The following PCDHGB2 variants were observed in gnomAD, a reference collection of about 807,000 sequenced individuals.
The protein encoded by PCDHGB2 is protocadherin gamma subfamily B, 2, also known as protocadherin gamma-B2.
PCDHGB2 carries 55 observed loss-of-function variants against 59.3 expected under a neutral mutation model. The ratio of observed to expected loss-of-function variants is 0.93; its 90% CI spans 0.75 to 1.16. The LOEUF is 1.16. Ranked by LOEUF, PCDHGB2 falls within the 50% of genes most tolerant of loss-of-function variation. The pLI is 0.00. For missense variants in PCDHGB2, 1,228 were observed against 1,198.5 expected (o/e 1.02, Z -0.36); for synonymous variants, 516 against 512.0 (o/e 1.01, Z -0.11).
At chr5:141,438,960 C>A (rs1398478011) in intron 1 of PCDHGB2, among the ~76,000 whole-genome samples, 1 of 151,940 alleles carries the variant, frequency 6.6e-6, no homozygotes, top group Non-Finnish European at 1.5e-5. Flanking sequence ...GCCACCGCAC[C>A]CTGCCAACTG....
chr5:141,510,621 A>G (rs1317150967), intron 3 of PCDHGB2, among the ~76,000 whole-genome samples: 1 of 152,176 alleles, frequency 6.6e-6, no homozygotes, highest in Non-Finnish European at 1.5e-5. Flanking sequence ...CACTAAAACC[A>G]GAAGAGGTGG....
intron 1 of PCDHGB2, among the ~76,000 whole-genome samples, chr5:141,471,014 G>A (rs2099246573): frequency 6.7e-6 from 1 of 148,628 alleles, no homozygotes; most frequent in Non-Finnish European, 1.5e-5. Context: ...ACTGTGCCTG[G>A]TCAATCATTT....
At chr5:141,442,205 A>G (rs2098308049) in intron 1 of PCDHGB2, 1 of 153,214 alleles carries the variant, frequency 6.5e-6, no homozygotes, top group Admixed American at 6.5e-5. Context: ...ATATCTGGTG[A>G]TTGCCTTAGC....
At chr5:141,410,535 A>T (rs2095405545) in intron 1 of PCDHGB2, 9 of 1,613,752 alleles carry the variant, frequency 5.6e-6, no homozygotes, top group Non-Finnish European at 7.6e-6. Context: ...TCCAATGAAG[A>T]CATGGTTTGC....
chr5:141,370,656 G>C, intron 1 of PCDHGB2: 1 of 1,613,852 alleles, frequency 6.2e-7, no homozygotes, highest in South Asian at 1.1e-5. Flanking sequence ...ACTTGTGAGC[G>C]ACCGTATAGA....
Position 141,485,200 on chromosome 5 carries a change from A to C in PCDHGB2, c.2422-9607A>C. 1 of 1,614,116 alleles carries C rather than the reference A, an allele frequency of 6.2e-7. No homozygotes were observed. The highest frequency in any genetic ancestry group is 2.2e-5 in the East Asian group (1 of 44,872). ...TGCTCCGCAAGGTGAGAAGCTGGAC[A>C]GAAATCTGGCGGTGGGCTACCCTTT... On this transcript the variant is annotated intron_variant, in intron 1 of 3. Coordinates refer to ENST00000522605, the MANE Select transcript of PCDHGB2 (RefSeq NM_018923.3). This position sits in a 1 kb window ranked among gnomAD's most constrained non-coding sequence, Gnocchi z 5.7.
rs551129846 is a variant in PCDHGB2, at chr5:141,432,711, A to T, written c.2422-62096A>T. 5 of 1,613,944 alleles carry T rather than the reference A, an allele frequency of 3.1e-6. No individual in the cohort carries two copies. The Admixed American group carries it at 8.3e-5, about 27-fold the overall frequency. ...GTAGTGGCCGTCCAGGACCACGGCCAGCCCCCTCTCTCCGCCACTGTCACG... is the reference window on the plus strand; with the variant it reads ...GTAGTGGCCGTCCAGGACCACGGCCTGCCCCCTCTCTCCGCCACTGTCACG... On this transcript the variant is annotated intron_variant, in intron 1 of 3. Transcript: ENST00000522605. This position sits in a 1 kb window ranked among gnomAD's most constrained non-coding sequence, Gnocchi z 6.0.
chr5:141,486,278 G>A lies in PCDHGB2; in HGVS notation c.2422-8529G>A. The A allele has an allele frequency of 1.2e-6, 2 of 1,614,088 alleles. No individual in the cohort carries two copies. Among genetic ancestry groups the A allele is most frequent in the South Asian group, 2.2e-5 (2 of 91,068 alleles). On this transcript the variant is annotated intron_variant, in intron 1 of 3. Transcript: ENST00000522605. This position sits in a 1 kb window ranked among gnomAD's most constrained non-coding sequence, Gnocchi z 5.0. The stretch of plus-strand genomic sequence containing the variant: ...CGAGAGTGCAGAACCTGGCACTGTG[G>A]TGGCACTTATCAGTGTGCAGGATCC...
chr5:141,463,764 G>A (rs2099069094), intron 1 of PCDHGB2, among the ~76,000 whole-genome samples: 1 of 151,916 alleles, frequency 6.6e-6, no homozygotes. Flanking sequence ...TTCTCTTATG[G>A]GTTAGAATCC....
Position 141,431,605 on chromosome 5 carries a change from G to A in PCDHGB2, c.2422-63202G>A. ...ATGCGGAAGTGAGGTATTCCTTCCGGTATGTGGACGACAAGGCGGCCCAAG... is the reference window on the plus strand; with the variant it reads ...ATGCGGAAGTGAGGTATTCCTTCCGATATGTGGACGACAAGGCGGCCCAAG... On this transcript the variant is annotated intron_variant, in intron 1 of 3. Transcript: ENST00000522605. This position sits in a 1 kb window ranked among gnomAD's most constrained non-coding sequence, Gnocchi z 4.8. 2 of 1,614,236 alleles carry A rather than the reference G, an allele frequency of 1.2e-6. No individual in the cohort carries two copies. The highest frequency in any genetic ancestry group is 1.7e-6 in the Non-Finnish European group (2 of 1,180,044).
At chr5:141,496,886 C>T (rs1562175671) in intron 2 of PCDHGB2, among the ~76,000 whole-genome samples, 1 of 135,246 alleles carries the variant, frequency 7.4e-6, no homozygotes, top group African/African-American at 2.9e-5. Context: ...ACAAGTAACA[C>T]TTAAAAAAAA....
intron 1 of PCDHGB2, among the ~76,000 whole-genome samples, chr5:141,386,518 A>C (rs2090605382): frequency 0.01 from 1 of 96 alleles, no homozygotes; most frequent in Non-Finnish European, 0.017. Flanking sequence ...TCTTCAAAAA[A>C]AGACTCTTTT....
intron 1 of PCDHGB2, among the ~76,000 whole-genome samples, chr5:141,444,472 C>T (rs559334960): frequency 2.1e-4 from 32 of 151,968 alleles, no homozygotes; most frequent in Admixed American, 1.5e-3. Flanking sequence ...CGCCCGGTCG[C>T]GTACTGGATT....
chr5:141,403,384 A>C lies in PCDHGB2; in HGVS notation c.2421+40828A>C, dbSNP rs201959000. 4.4e-4 allele frequency: 703 copies of C among 1,614,030 alleles called. No homozygotes were observed. Among genetic ancestry groups the C allele is most frequent in the Non-Finnish European group, 5.5e-4 (652 of 1,179,890 alleles). ...AAAGTCTGGAAGTAAAAATTAACGA[A>C]ATCGCGGTTCCTGGAGCACGTTATC... On this transcript the variant is annotated intron_variant, in intron 1 of 3. Coordinates refer to ENST00000522605, the MANE Select transcript of PCDHGB2 (RefSeq NM_018923.3).
intron 3 of PCDHGB2, chr5:141,507,291 T>A (rs956764262): frequency 3.4e-5 from 5 of 147,704 alleles, no homozygotes; most frequent in African/African-American, 5.1e-5. Flanking sequence ...CAGTCTCAAA[T>A]GTTGCATGAG....
chr5:141,385,508 G>T (rs1430201636), intron 1 of PCDHGB2: 6 of 1,372,088 alleles, frequency 4.4e-6, no homozygotes, highest in Non-Finnish European at 5.6e-6. Flanking sequence ...TATTTCTTTA[G>T]TGAAAGCCTA....
intron 1 of PCDHGB2, chr5:141,376,296 C>T (rs769852070): frequency 1.2e-6 from 2 of 1,614,184 alleles, no homozygotes; most frequent in Non-Finnish European, 1.7e-6. Flanking sequence ...ATGCCCGGCT[C>T]GCACTTTGTG....
intron 1 of PCDHGB2, among the ~76,000 whole-genome samples, chr5:141,472,980 C>CAAAAA (rs60579131): frequency 1.7e-4 from 15 of 86,092 alleles, no homozygotes; most frequent in East Asian, 4.1e-4. Context: ...GAGTGAAACT[C>CAAAAA]AAAAAAAAAA....
At chr5:141,383,494 G>A (rs1472112755) in intron 1 of PCDHGB2, 1 of 1,613,248 alleles carries the variant, frequency 6.2e-7, no homozygotes, top group Non-Finnish European at 8.5e-7. Context: ...GCTGGAGCGG[G>A]TGCTGGACCG....
Sources: allele counts gnomAD v4.1 joint callset (sites outside exome capture counted in the v4.1 genomes callset), GRCh38; gene constraint gnomAD v4.1.1; non-coding constraint Gnocchi (gnomAD v3.1); transcripts MANE v1.5; gene names NCBI Gene and HGNC (gene_info 2026-07-23, HGNC 2026-07-21).